PPP1R8: variants seen among roughly 807,000 people sequenced by gnomAD.
PPP1R8 encodes the protein protein phosphatase 1 regulatory subunit 8, also known as nuclear inhibitor of protein phosphatase 1.
PPP1R8 carries 4 observed loss-of-function variants against 31.3 expected under a neutral mutation model. The ratio of observed to expected loss-of-function variants is 0.13; its 90% CI spans 0.06 to 0.29. PPP1R8 has a LOEUF of 0.29. Ranked by LOEUF, PPP1R8 falls within the 10% of genes least tolerant of loss-of-function variation. The pLI is 1.00. For missense variants in PPP1R8, 254 were observed against 440.1 expected (o/e 0.58, Z 3.78); for synonymous variants, 170 against 169.7 (o/e 1.00, Z -0.01).
chr1:27,844,353 G>A (rs1218300109), intron 5 of PPP1R8, among the ~76,000 whole-genome samples: 1 of 150,814 alleles, frequency 6.6e-6, no homozygotes, highest in Non-Finnish European at 1.5e-5. Context: ...TTTTGAGACG[G>A]AGTCTCGTTC....
chr1:27,831,744 C>T (rs2089110836), intron 1 of PPP1R8, among the ~76,000 whole-genome samples: 1 of 152,126 alleles, frequency 6.6e-6, no homozygotes, highest in African/African-American at 2.4e-5. Flanking sequence ...TTTTCCTGGA[C>T]AAAATGGCCT....
At chr1:27,836,433 C>T (rs1050142709) in intron 2 of PPP1R8, among the ~76,000 whole-genome samples, 15 of 152,060 alleles carry the variant, frequency 9.9e-5, no homozygotes, top group African/African-American at 2.7e-4. Context: ...TTTTTGTTTT[C>T]GAGATAGAGT....
rs921901202 is a variant in PPP1R8, at chr1:27,850,191, G to A, written c.801G>A (p.Leu267=). The change falls in exon 7 of 7, where the codon CTG becomes CTA. Residue 267 remains leucine, a synonymous_variant. Coordinates refer to ENST00000311772, the MANE Select transcript of PPP1R8 (RefSeq NM_014110.5). ...TCAGCGGAGGACTCTACGGGGGCCT[G>A]CCCCCCACACACAGTGAAGCAGGCT... ...FAFSGGLYGG[L]PPTHSEAGSQ... 1.5e-5 allele frequency: 24 copies of A among 1,614,128 alleles called. No individual in the cohort carries two copies. Among genetic ancestry groups the A allele is most frequent in the African/African-American group, 1.3e-4 (10 of 75,046 alleles).
At chr1:27,849,060 C>T (rs180942289) in intron 6 of PPP1R8, among the ~76,000 whole-genome samples, 2 of 152,102 alleles carry the variant, frequency 1.3e-5, no homozygotes, top group Non-Finnish European at 2.9e-5. Context: ...TGGTTTTGCT[C>T]TCAGATTAAT....
intron 2 of PPP1R8, among the ~76,000 whole-genome samples, chr1:27,836,037 A>G (rs2089161901): frequency 6.6e-6 from 1 of 152,338 alleles, no homozygotes; most frequent in Admixed American, 6.5e-5. Flanking sequence ...ATAGCAGCCC[A>G]TTGTGAGTTA....
At position 27,851,435 on chromosome 1, in the gene PPP1R8, TTTG is replaced by T. The variant is rs2089343263; in HGVS notation, c.*991_*993del. 7.2e-6 allele frequency: 3 copies of T among 418,656 alleles called. No homozygotes were observed. The highest frequency in any genetic ancestry group is 1.5e-5 in the Non-Finnish European group (3 of 205,654). 25.9% of individuals were successfully genotyped at this position (418,656 alleles called of 1,614,324 possible). On this transcript the variant is annotated 3_prime_UTR_variant, in exon 7 of 7. Transcript: ENST00000311772. ...CATTGATACAAGCTTTGTACAGAGA[TTTG>T]TACATTTGTGTAATAGGCCTTTTCA... is the stretch of plus-strand genomic sequence containing the variant.
At position 27,850,602 on chromosome 1, in the gene PPP1R8, G is replaced by C; in HGVS notation, c.*156G>C. The stretch of plus-strand genomic sequence containing the variant: ...ACCATGTAATATGACAATTGGGGGT[G>C]GGGTTGAAATAGCCCATAAAGACCT... On this transcript the variant is annotated 3_prime_UTR_variant, in exon 7 of 7. Coordinates refer to ENST00000311772, the MANE Select transcript of PPP1R8 (RefSeq NM_014110.5). 2 of 697,672 alleles carry C rather than the reference G, an allele frequency of 2.9e-6. No individual in the cohort carries two copies. Among genetic ancestry groups the C allele is most frequent in the Non-Finnish European group, 4.7e-6 (2 of 429,516 alleles). The allele number at this position is 697,672 out of a possible 1,614,324, so 43.2% of individuals were successfully genotyped here.
chr1:27,832,501 T>G (rs1438035104), intron 1 of PPP1R8, among the ~76,000 whole-genome samples: 1 of 152,190 alleles, frequency 6.6e-6, no homozygotes, highest in East Asian at 1.9e-4. Flanking sequence ...GAAGATCCAG[T>G]GTTAAAATAT....
intron 1 of PPP1R8, among the ~76,000 whole-genome samples, 157 bp from the exon 2 acceptor site, chr1:27,832,599 A>G (rs984797682): frequency 4.6e-5 from 7 of 152,222 alleles, no homozygotes; most frequent in African/African-American, 2.4e-5. Flanking sequence ...TCAAACGTAG[A>G]ATGGAGCTGT....
At chr1:27,832,707 C>T in intron 1 of PPP1R8, 49 bp from the exon 2 acceptor site, 1 of 1,488,278 alleles carries the variant, frequency 6.7e-7, no homozygotes, top group African/African-American at 1.4e-5. Flanking sequence ...TTGTAAATAG[C>T]ATTTATAAAC....
At chr1:27,849,097 C>T (rs558335375) in intron 6 of PPP1R8, among the ~76,000 whole-genome samples, 1 of 152,200 alleles carries the variant, frequency 6.6e-6, no homozygotes, top group Non-Finnish European at 1.5e-5. Context: ...CCAGGTCGGG[C>T]GTGCTGGGTC....
chr1:27,834,668 T>C (rs1424996394), intron 2 of PPP1R8: 1 of 408,374 alleles, frequency 2.4e-6, no homozygotes, highest in Non-Finnish European at 4.9e-6. Context: ...AGCACATTGT[T>C]CAACATCTAA....
At chr1:27,849,874 G>A (rs1422233473) in intron 6 of PPP1R8, among the ~76,000 whole-genome samples, 1 of 152,184 alleles carries the variant, frequency 6.6e-6, no homozygotes, top group African/African-American at 2.4e-5. Flanking sequence ...TTATGGAGCA[G>A]TGTTTGGGAA....
In PPP1R8 at chr1:27,845,207, G is replaced by A. The variant is rs560765698; in HGVS notation, c.638-1821G>A. The stretch of plus-strand genomic sequence containing the variant: ...AGATCAAGACCATGCTGGCTAACAC[G>A]GTGAAACCCCATCTCTACTAAAAAT... On this transcript the variant is annotated intron_variant, in intron 5 of 6. Transcript: ENST00000311772. Among the ~76,000 whole-genome samples, 115 of 148,814 alleles carry A rather than the reference G, an allele frequency of 7.7e-4. 1 individual carries two copies. Among genetic ancestry groups the A allele is most frequent in the African/African-American group, 2.4e-3 (95 of 40,176 alleles).
At chr1:27,834,428 A>G (rs947288315) in intron 2 of PPP1R8, 6 of 518,904 alleles carry the variant, frequency 1.2e-5, no homozygotes, top group East Asian at 5.4e-5. Flanking sequence ...CGAGCTGTCT[A>G]TATCCTAGCC....
chr1:27,845,356 C>T (rs2089267423), intron 5 of PPP1R8, among the ~76,000 whole-genome samples: 1 of 149,822 alleles, frequency 6.7e-6, no homozygotes, highest in African/African-American at 2.5e-5. Context: ...TGCCACTGCA[C>T]TCCAGCCTGG....
Position 27,832,452 on chromosome 1 carries a change from A to G in PPP1R8, c.57-304A>G, listed in dbSNP as rs933778345. Among the ~76,000 whole-genome samples the G allele has an allele frequency of 6.6e-5, 10 of 152,314 alleles. No homozygotes were observed. In the East Asian group the frequency reaches 1.3e-3, roughly 21 times the overall value. The stretch of plus-strand genomic sequence containing the variant: ...TCCAGGTGACTAGACCACCCCAGCT[A>G]TCGTACTTGCACTCTCTATGCAGTT... On this transcript the variant is annotated intron_variant, in intron 1 of 6. Coordinates refer to ENST00000311772, the MANE Select transcript of PPP1R8 (RefSeq NM_014110.5).
intron 4 of PPP1R8, among the ~76,000 whole-genome samples, chr1:27,842,733 G>GC (rs1476541620): frequency 6.6e-6 from 1 of 152,150 alleles, no homozygotes; most frequent in Non-Finnish European, 1.5e-5. Context: ...GAAGGAGAAA[G>GC]CTACTAGGAA....
intron 5 of PPP1R8, among the ~76,000 whole-genome samples, chr1:27,843,913 A>C (rs2089247012): frequency 6.6e-6 from 1 of 152,224 alleles, no homozygotes; most frequent in Non-Finnish European, 1.5e-5. Flanking sequence ...AGGTTGTGCC[A>C]CTGCACTCCC....
Sources: gnomAD v4.1 joint callset for allele counts (sites outside exome capture counted in the v4.1 genomes callset) on GRCh38, gnomAD v4.1.1 for gene constraint, MANE v1.5 for transcripts, NCBI Gene and HGNC (gene_info 2026-07-23, HGNC 2026-07-21) for gene names.